Variants in SLC4A3 observed in about 807,000 individuals in gnomAD.
SLC4A3 encodes the protein solute carrier family 4 member 3.
SLC4A3 carries 47 observed loss-of-function variants against 114.2 expected under a neutral mutation model. That is an observed-to-expected ratio of 0.41 (90% CI 0.33 to 0.52). The LOEUF is 0.52. SLC4A3 is among the 20% of genes least tolerant of loss of function. The probability of loss-of-function intolerance (pLI) is 0.21; values close to 1 mark genes in which losing one functional copy is unlikely to be tolerated. For synonymous variants in SLC4A3, 693 were observed against 710.3 expected (o/e 0.98, Z 0.39); for missense variants, 1,312 against 1,668.3 (o/e 0.79, Z 3.72).
In SLC4A3 at chr2:219,631,303, C is replaced by A. The variant is rs1220604656; in HGVS notation, c.812-665C>A. The A allele has an allele frequency of 2.3e-6, 3 of 1,303,686 alleles. No homozygotes were observed. In the African/African-American group the frequency reaches 4.6e-5, roughly 20 times the overall value. The allele number at this position is 1,303,686 out of a possible 1,614,324, so 80.8% of individuals were successfully genotyped here. On this transcript the variant is annotated intron_variant, in intron 6 of 22. Coordinates refer to ENST00000358055, the MANE Select transcript of SLC4A3 (RefSeq NM_005070.4). This position sits in a 1 kb window ranked among gnomAD's most constrained non-coding sequence, Gnocchi z 6.3. ...GCACTGAGCCCTGGGCCTGGGGATA[C>A]CAATAGCTGGGGCTTTGGGAGGGAT...
At position 219,632,452 on chromosome 2, in the gene SLC4A3, C is replaced by A. The variant is rs1212761543; in HGVS notation, c.1141+10C>A. ...AGGACCATCGCCCATGGTAGGGACCCCCAGGCCTGGCCCGAGGCTGCAAGC... is the reference window on the plus strand; with the variant it reads ...AGGACCATCGCCCATGGTAGGGACCACCAGGCCTGGCCCGAGGCTGCAAGC... On this transcript the variant is annotated intron_variant, in intron 8 of 22. Coordinates refer to ENST00000358055, the MANE Select transcript of SLC4A3 (RefSeq NM_005070.4). 6.3e-7 allele frequency: 1 copy of A among 1,578,652 alleles called. No homozygotes were observed. The highest frequency in any genetic ancestry group is 1.7e-5 in the Admixed American group (1 of 57,274).
rs945658525 is a variant in SLC4A3, at chr2:219,631,545, A to G, written c.812-423A>G. On this transcript the variant is annotated intron_variant, in intron 6 of 22. Transcript: ENST00000358055. The surrounding 1 kb of genome is among the most constrained non-coding windows in gnomAD (Gnocchi z 6.3). Reference sequence around the variant, plus strand: ...AGGGAGCGAAGCCCTGCCTGAGTCTACTGGGCTGTGTACCTTCGGGGAGGG... The same window carrying G: ...AGGGAGCGAAGCCCTGCCTGAGTCTGCTGGGCTGTGTACCTTCGGGGAGGG... 5 of 1,184,352 alleles carry G rather than the reference A, an allele frequency of 4.2e-6. No homozygotes were observed. The African/African-American group carries it at 6.3e-5, about 15-fold the overall frequency. 73.4% of individuals were successfully genotyped at this position (1,184,352 alleles called of 1,614,324 possible).
At chr2:219,640,677 T>C (rs973747680) in intron 21 of SLC4A3, 78 bp downstream of exon 21, 3 of 1,572,278 alleles carry the variant, frequency 1.9e-6, no homozygotes, top group Non-Finnish European at 2.6e-6. Flanking sequence ...CATTGATGGA[T>C]GGGATGAATA....
Position 219,631,966 on chromosome 2 carries a change from A to C in SLC4A3, c.812-2A>C, listed in dbSNP as rs1698937669. 6.3e-7 allele frequency: 1 copy of C among 1,596,134 alleles called. No homozygotes were observed. The highest frequency in any genetic ancestry group is 1.1e-5 in the South Asian group (1 of 89,608). ...GGACCCCCAAGCCCATCTTCTCTGCAGGTCACCGACTGGAGGACAACCCTG... is the reference window on the plus strand; with the variant it reads ...GGACCCCCAAGCCCATCTTCTCTGCCGGTCACCGACTGGAGGACAACCCTG... On this transcript the variant is annotated splice_acceptor_variant, in intron 6 of 22. Transcript: ENST00000358055. LOFTEE classifies it high-confidence loss of function. This position sits in a 1 kb window ranked among gnomAD's most constrained non-coding sequence, Gnocchi z 6.3.
chr2:219,629,737 C>G (rs1698851122), intron 5 of SLC4A3, 42 bp downstream of exon 5: 2 of 1,388,014 alleles, frequency 1.4e-6, no homozygotes, highest in African/African-American at 2.9e-5. Context: ...CAGCCCAGAG[C>G]CACAGGGTCC....
At position 219,637,647 on chromosome 2, in the gene SLC4A3, G is replaced by T. The variant is rs1699173506; in HGVS notation, c.2602G>T (p.Ala868Ser). 6.2e-7 allele frequency: 1 copy of T among 1,612,896 alleles called. No homozygotes were observed. The change falls in exon 17 of 23, where the codon GCT becomes TCT. Residue 868 changes from alanine to serine, a missense_variant. By Grantham distance (99) the Ala-to-Ser change is moderately conservative. Transcript: ENST00000358055. The surrounding 1 kb of genome is among the most constrained non-coding windows in gnomAD (Gnocchi z 4.6). ...GGGGGCCCTGGAGGGGTCCCTGGAT[G>T]CTGGTCTGGAGCCAAATGGCAGTGC... ...PEGALEGSLD[A>S]GLEPNGSALP...
rs770408115 is a variant in SLC4A3 at position 219,631,438 on chromosome 2, T to C, written c.812-530T>C. The C allele has an allele frequency of 7.7e-7, 1 of 1,304,020 alleles. No individual in the cohort carries two copies. Among genetic ancestry groups the C allele is most frequent in the Non-Finnish European group, 1.0e-6 (1 of 988,724 alleles). The allele number at this position is 1,304,020 out of a possible 1,614,324, so 80.8% of individuals were successfully genotyped here. ...TCCATCAGGGGCCAGCTGGGCCCCA[T>C]GGCAGGGCCACCAACTTGTGAGTAA... On this transcript the variant is annotated intron_variant, in intron 6 of 22. Transcript: ENST00000358055. The surrounding 1 kb of genome is among the most constrained non-coding windows in gnomAD (Gnocchi z 6.3).
At chr2:219,627,824 T>G (rs1698767171) in intron 1 of SLC4A3, 76 bp from the exon 2 acceptor site, 2 of 507,818 alleles carry the variant, frequency 3.9e-6, no homozygotes, top group Non-Finnish European at 3.4e-6. Flanking sequence ...GAGGGGCGCT[T>G]GGGCCGGGAG....
In SLC4A3 at chr2:219,629,331, T is replaced by TGAGGAAGAG. The variant is rs763152248; in HGVS notation, c.426_434dup (p.Glu143_Glu145dup). 2.6e-5 allele frequency: 42 copies of TGAGGAAGAG among 1,610,860 alleles called. No homozygotes were observed. The highest frequency in any genetic ancestry group is 4.5e-5 in the East Asian group (2 of 44,812). On this transcript the variant is annotated inframe_insertion, in exon 4 of 23. Coordinates refer to ENST00000358055, the MANE Select transcript of SLC4A3 (RefSeq NM_005070.4). ...AGGAGGAGGGGGGAGCTGGAGTGGA[T>TGAGGAAGAG]GAGGAAGAGGAGGAAGAGGAGGAAG...
rs1173400205 is a variant in SLC4A3, at chr2:219,635,357, C to A, written c.1833C>A (p.Ile611=). Residue 611 remains isoleucine (I), a synonymous_variant, in exon 13 of 23, where the codon ATC becomes ATA. Transcript: ENST00000358055. ...AGTTCCTGGATGGCAGCATTGTGAT[C>A]CCCCCGTCCGAGGTGGAGGGCCGTG... ...ISEFLDGSIV[I]PPSEVEGRDL... 7 of 1,614,114 alleles carry A rather than the reference C, an allele frequency of 4.3e-6. No homozygotes were observed. In the Middle Eastern group the frequency reaches 4.9e-4, roughly 114 times the overall value.
At position 219,629,334 on chromosome 2, in the gene SLC4A3, G is replaced by A. The variant is rs188484264; in HGVS notation, c.408G>A (p.Glu136=). The A allele has an allele frequency of 5.7e-5, 91 of 1,602,486 alleles. No individual in the cohort carries two copies. In the African/African-American group the frequency reaches 8.8e-4, roughly 16 times the overall value. ...IQEEGGAGVD[E]EEEEEEEEEG... is the part of the protein sequence containing the mutation. ...AGGAGGGGGGAGCTGGAGTGGATGA[G>A]GAAGAGGAGGAAGAGGAGGAAGAGG... Residue 136 remains glutamate, a synonymous_variant, in exon 4 of 23, where the codon GAG becomes GAA. Coordinates refer to ENST00000358055, the MANE Select transcript of SLC4A3 (RefSeq NM_005070.4).
chr2:219,634,970 A>T (rs756162756), intron 12 of SLC4A3, among the ~76,000 whole-genome samples: 1 of 152,062 alleles, frequency 6.6e-6, no homozygotes, highest in Non-Finnish European at 1.5e-5. Flanking sequence ...GGTGTAGCTG[A>T]TCCAATTGGA....
Position 219,640,422 on chromosome 2 carries a change from T to C in SLC4A3, c.3278-8T>C. The C allele has an allele frequency of 6.2e-7, 1 of 1,609,018 alleles. No homozygotes were observed. The highest frequency in any genetic ancestry group is 1.1e-5 in the South Asian group (1 of 90,536). On this transcript the variant is annotated splice_polypyrimidine_tract_variant and splice_region_variant and intron_variant, in intron 20 of 22. Coordinates refer to ENST00000358055, the MANE Select transcript of SLC4A3 (RefSeq NM_005070.4). ...GAGGGTCAGGCGGGTCTGTGTCACC[T>C]CCTCCAGGCCTGTCCATCGTCATGG...
Position 219,627,653 on chromosome 2 carries a change from G to C in SLC4A3, c.-186G>C, listed in dbSNP as rs1698760382. The C allele has an allele frequency of 6.4e-6, 1 of 156,012 alleles. No homozygotes were observed. The highest frequency in any genetic ancestry group is 1.4e-5 in the Non-Finnish European group (1 of 70,688). The allele number at this position is 156,012 out of a possible 1,614,324, so 9.7% of individuals were successfully genotyped here. A position where few individuals can be genotyped will look rare whatever the true frequency, so the allele number is the denominator to read the frequency against. On this transcript the variant is annotated 5_prime_UTR_variant, in exon 1 of 23. Transcript: ENST00000358055. The stretch of plus-strand genomic sequence containing the variant: ...CCAGCCCGGCTCTGCGCTGCGAGAG[G>C]CCGGACGGCAGTCGCGGCTGCGCTC...
rs956757387 is a variant in SLC4A3, at chr2:219,634,755, C to T, written c.1746+151C>T. 7 of 828,390 alleles carry T rather than the reference C, an allele frequency of 8.5e-6. No homozygotes were observed. The African/African-American group carries it at 1.0e-4, about 12-fold the overall frequency. The allele number at this position is 828,390 out of a possible 1,614,324, so 51.3% of individuals were successfully genotyped here. A position where few individuals can be genotyped will look rare whatever the true frequency, so the allele number is the denominator to read the frequency against. On this transcript the variant is annotated intron_variant, in intron 12 of 22. Coordinates refer to ENST00000358055, the MANE Select transcript of SLC4A3 (RefSeq NM_005070.4). ...GAGGGTGGTGGGGGGAGCTGTTGGC[C>T]CAGGGGAGAAGAGAGAGCCTTGGGC...
rs912552914 is a variant in SLC4A3, at chr2:219,631,770, G to C, written c.812-198G>C. Reference sequence around the variant, plus strand: ...TTGGCCGGTGGTCCCAGGTGACCATGGGGAGGTCCTTCCCTCTTTCTGAGC... The same window carrying C: ...TTGGCCGGTGGTCCCAGGTGACCATCGGGAGGTCCTTCCCTCTTTCTGAGC... On this transcript the variant is annotated intron_variant, in intron 6 of 22. Coordinates refer to ENST00000358055, the MANE Select transcript of SLC4A3 (RefSeq NM_005070.4). This position sits in a 1 kb window ranked among gnomAD's most constrained non-coding sequence, Gnocchi z 6.3. Among the ~76,000 whole-genome samples, 1 of 151,972 alleles carries C rather than the reference G, an allele frequency of 6.6e-6. No homozygotes were observed. Among genetic ancestry groups the C allele is most frequent in the African/African-American group, 2.4e-5 (1 of 41,362 alleles).
chr2:219,637,612 A>G lies in SLC4A3; in HGVS notation c.2567A>G (p.Tyr856Cys), dbSNP rs751075738. Residue 856 changes from tyrosine to cysteine, a missense_variant, in exon 17 of 23, where the codon TAC becomes TGC. By Grantham distance (194) the Tyr-to-Cys change is radical. Around this residue, in one of 4 missense-constraint regions of SLC4A3, gnomAD observed 771 missense variants for 977.7 expected, o/e 0.79. Transcript: ENST00000358055. The surrounding 1 kb of genome is among the most constrained non-coding windows in gnomAD (Gnocchi z 4.6). ...VFTEHPLLPF[Y>C]PPEGALEGSL... ...ACAGAGCACCCACTGCTGCCGTTCT[A>G]CCCCCCTGAGGGGGCCCTGGAGGGG... The G allele has an allele frequency of 1.9e-6, 3 of 1,605,200 alleles. No homozygotes were observed. The highest frequency in any genetic ancestry group is 2.2e-5 in the East Asian group (1 of 44,742).
At chr2:219,635,605 T>A in intron 13 of SLC4A3, 68 bp from the exon 14 acceptor site, 1 of 1,484,378 alleles carries the variant, frequency 6.7e-7, no homozygotes, top group Non-Finnish European at 9.2e-7. Context: ...GCATCCCTGA[T>A]CCCAACAGCC....
rs1173723554 is a variant in SLC4A3 at position 219,631,211 on chromosome 2, G to A, written c.812-757G>A. Reference sequence around the variant, plus strand: ...AGAGCCGAGGGGTCTGGTAGGGAGCGGAGGCCGAGGTCTCGGCCACCGGGA... The same window carrying A: ...AGAGCCGAGGGGTCTGGTAGGGAGCAGAGGCCGAGGTCTCGGCCACCGGGA... On this transcript the variant is annotated intron_variant, in intron 6 of 22. Coordinates refer to ENST00000358055, the MANE Select transcript of SLC4A3 (RefSeq NM_005070.4). This position sits in a 1 kb window ranked among gnomAD's most constrained non-coding sequence, Gnocchi z 6.3. 6.5e-6 allele frequency: 8 copies of A among 1,228,870 alleles called. No homozygotes were observed. Among genetic ancestry groups the A allele is most frequent in the South Asian group, 4.3e-5 (3 of 69,090 alleles). 76.1% of individuals were successfully genotyped at this position (1,228,870 alleles called of 1,614,324 possible).
Sources: gnomAD v4.1 joint callset for allele counts (sites outside exome capture counted in the v4.1 genomes callset) on GRCh38, gnomAD v4.1.1 for gene constraint, gnomAD v4.1.1 regional missense constraint, Gnocchi (gnomAD v3.1) non-coding constraint, MANE v1.5 for transcripts, NCBI Gene and HGNC (gene_info 2026-07-23, HGNC 2026-07-21) for gene names.